Variants in CEP126 observed in about 807,000 individuals in gnomAD.
CEP126 encodes the protein centrosomal protein 126.
Under a neutral mutation model 107.8 loss-of-function variants are expected in CEP126, and 74 were observed. The ratio of observed to expected loss-of-function variants is 0.69; its 90% CI spans 0.57 to 0.83. CEP126 has a LOEUF of 0.83. Ranked by LOEUF, CEP126 falls within the 40% of genes least tolerant of loss-of-function variation. The pLI, the probability that CEP126 is intolerant of heterozygous loss-of-function variation, is 0.00. For missense variants in CEP126, 1,237 were observed against 1,281.9 expected, an observed-to-expected ratio of 0.96 and a Z score of 0.53; for synonymous variants, 449 against 446.0, an observed-to-expected ratio of 1.01 and a Z score of -0.08.
intron 1 of CEP126, 92 bp from the exon 2 acceptor site, chr11:101,922,549 T>C: frequency 1.1e-6 from 1 of 941,044 alleles, no homozygotes; most frequent in Non-Finnish European, 1.6e-6. Context: ...ATTACATCAT[T>C]TGCATGAGGC....
At chr11:101,916,740 G>A (rs1480395289) in intron 1 of CEP126, among the ~76,000 whole-genome samples, 1 of 152,014 alleles carries the variant, frequency 6.6e-6, no homozygotes, top group East Asian at 1.9e-4. Context: ...CATTGAGAGT[G>A]TATTTTCTGT....
intron 10 of CEP126, among the ~76,000 whole-genome samples, chr11:101,996,584 G>T (rs905172429): frequency 2.6e-5 from 4 of 152,018 alleles, no homozygotes; most frequent in African/African-American, 9.7e-5. Flanking sequence ...AAAAATAAGC[G>T]GTCTCTTATA....
intron 10 of CEP126, among the ~76,000 whole-genome samples, chr11:101,996,868 G>A (rs1028683680): frequency 1.3e-4 from 20 of 151,922 alleles, no homozygotes; most frequent in African/African-American, 4.4e-4. Flanking sequence ...TAGTTCCGTC[G>A]GACATTGTTT....
Position 101,961,722 on chromosome 11 carries a change from AT to A in CEP126, c.706-18del. On this transcript the variant is annotated intron_variant, in intron 5 of 10. Coordinates refer to ENST00000263468, the MANE Select transcript of CEP126 (RefSeq NM_020802.4). The stretch of plus-strand genomic sequence containing the variant: ...TTAAAAGTTTATAAGCTATAAAACA[AT>A]GTTCTTTTTTTTTCCAGAAATTTTG... 7.4e-7 allele frequency: 1 copy of A among 1,358,178 alleles called. No homozygotes were observed. The highest frequency in any genetic ancestry group is 1.0e-6 in the Non-Finnish European group (1 of 989,306). 84.1% of individuals were successfully genotyped at this position (1,358,178 alleles called of 1,614,324 possible). A position where few individuals can be genotyped will look rare whatever the true frequency, so the allele number is the denominator to read the frequency against.
At chr11:101,974,318 G>T (rs1941168381) in intron 6 of CEP126, among the ~76,000 whole-genome samples, 1 of 152,160 alleles carries the variant, frequency 6.6e-6, no homozygotes, top group African/African-American at 2.4e-5. Context: ...CCGGGGCTAT[G>T]AGAGGAGAGG....
At chr11:101,972,894 T>TA (rs1360783013) in intron 6 of CEP126, among the ~76,000 whole-genome samples, 1 of 152,254 alleles carries the variant, frequency 6.6e-6, no homozygotes, top group African/African-American at 2.4e-5. Flanking sequence ...TTTGTCCACT[T>TA]ATGAAACTTC....
chr11:101,997,863 G>T lies in CEP126; in HGVS notation c.*220G>T. The T allele has an allele frequency of 3.6e-6, 2 of 551,376 alleles. No homozygotes were observed. Among genetic ancestry groups the T allele is most frequent in the South Asian group, 5.7e-5 (2 of 35,186 alleles). The allele number at this position is 551,376 out of a possible 1,614,324, so 34.2% of individuals were successfully genotyped here. A position where few individuals can be genotyped will look rare whatever the true frequency, so the allele number is the denominator to read the frequency against. On this transcript the variant is annotated 3_prime_UTR_variant, in exon 11 of 11. Transcript: ENST00000263468. ...CTGAGAATACCATGAAAGACATTATGCCTGCCTAAACAAAAAGCAGGACAT... is the reference window on the plus strand; with the variant it reads ...CTGAGAATACCATGAAAGACATTATTCCTGCCTAAACAAAAAGCAGGACAT...
At chr11:101,954,110 C>A (rs1182568367) in intron 4 of CEP126, among the ~76,000 whole-genome samples, 1 of 152,058 alleles carries the variant, frequency 6.6e-6, no homozygotes, top group Non-Finnish European at 1.5e-5. Context: ...TCACTGCAAC[C>A]TCCACCTCCC....
chr11:101,992,819 A>G lies in CEP126; in HGVS notation c.3286A>G (p.Thr1096Ala). The G allele has an allele frequency of 2.6e-6, 4 of 1,540,612 alleles. No homozygotes were observed. The highest frequency in any genetic ancestry group is 3.5e-6 in the Non-Finnish European group (4 of 1,146,260). Reference protein sequence around the residue: ...SICKNPSIKNTLQIIPLLEKR... With the variant: ...SICKNPSIKNALQIIPLLEKR... ...TTGCAAAAACCCATCCATCAAAAAT[A>G]CTTTACAAATAATACCACTTCTGGT... is the stretch of plus-strand genomic sequence containing the variant. Residue 1096 changes from threonine (T) to alanine (A), a missense_variant, in exon 10 of 11, where the codon ACT (threonine) becomes GCT (alanine). Physicochemically the swap from Thr to Ala is moderately conservative, Grantham distance 58. This residue lies in a region of CEP126 where 99 missense variants were observed against 114.4 expected (regional missense o/e 0.87). Transcript: ENST00000263468.
Position 101,997,867 on chromosome 11 carries a change from G to A in CEP126, c.*224G>A. On this transcript the variant is annotated 3_prime_UTR_variant, in exon 11 of 11. Coordinates refer to ENST00000263468, the MANE Select transcript of CEP126 (RefSeq NM_020802.4). ...GAATACCATGAAAGACATTATGCCT[G>A]CCTAAACAAAAAGCAGGACATAACC... The A allele has an allele frequency of 1.9e-6, 1 of 533,266 alleles. No individual in the cohort carries two copies. The allele number at this position is 533,266 out of a possible 1,614,324, so 33.0% of individuals were successfully genotyped here.
chr11:101,928,209 T>C (rs1232061148), intron 2 of CEP126, among the ~76,000 whole-genome samples: 1 of 152,242 alleles, frequency 6.6e-6, no homozygotes, highest in East Asian at 1.9e-4. Flanking sequence ...TTAATTGGAC[T>C]GTTTGCTCTT....
At chr11:101,941,680 G>T (rs1310742712) in intron 2 of CEP126, among the ~76,000 whole-genome samples, 1 of 151,968 alleles carries the variant, frequency 6.6e-6, no homozygotes, top group Non-Finnish European at 1.5e-5. Flanking sequence ...TTTATCATAT[G>T]GTAATTCTAT....
At chr11:101,922,431 G>A (rs1213866193) in intron 1 of CEP126, among the ~76,000 whole-genome samples, 1 of 151,346 alleles carries the variant, frequency 6.6e-6, no homozygotes, top group Non-Finnish European at 1.5e-5. Context: ...CTAAAGTGAT[G>A]GATTACAGGT....
chr11:101,996,387 C>G (rs1169524413), intron 10 of CEP126, among the ~76,000 whole-genome samples: 1 of 152,210 alleles, frequency 6.6e-6, no homozygotes, highest in Non-Finnish European at 1.5e-5. Flanking sequence ...TGGCACGCCA[C>G]AGTAGAGCAG....
rs1941500484 is a variant in CEP126, at chr11:102,000,871, C to CACAGA, written c.*3228_*3229insACAGA. Reference sequence around the variant, plus strand: ...GGATTACCATGAACTTATTTTAAATCCATATTGTACCAGAATGACTATGTC... The same window carrying CACAGA: ...GGATTACCATGAACTTATTTTAAATCACAGACATATTGTACCAGAATGACTATGTC... On this transcript the variant is annotated 3_prime_UTR_variant, in exon 11 of 11. Transcript: ENST00000263468. 1.3e-5 allele frequency: 2 copies of CACAGA among 152,096 alleles called. No individual in the cohort carries two copies. The highest frequency in any genetic ancestry group is 1.3e-4 in the Admixed American group (2 of 15,272). 9.4% of individuals were successfully genotyped at this position (152,096 alleles called of 1,614,324 possible). A position where few individuals can be genotyped will look rare whatever the true frequency, so the allele number is the denominator to read the frequency against.
chr11:101,996,019 G>A (rs1456565303), intron 10 of CEP126, among the ~76,000 whole-genome samples: 1 of 152,230 alleles, frequency 6.6e-6, no homozygotes, highest in Non-Finnish European at 1.5e-5. Context: ...GTGGTCAGAA[G>A]CCATTATTGT....
chr11:101,973,841 C>A (rs1446426250), intron 6 of CEP126, among the ~76,000 whole-genome samples: 1 of 152,142 alleles, frequency 6.6e-6, no homozygotes, highest in Non-Finnish European at 1.5e-5. Flanking sequence ...TATGTTTATG[C>A]ATCATTTGCA....
At chr11:101,964,899 T>C (rs1411231072) in intron 6 of CEP126, among the ~76,000 whole-genome samples, 1 of 152,210 alleles carries the variant, frequency 6.6e-6, no homozygotes, top group Non-Finnish European at 1.5e-5. Flanking sequence ...AACAAGTGAA[T>C]ACATGTAGTT....
Position 101,986,910 on chromosome 11 carries a change from T to C in CEP126, c.3113T>C (p.Val1038Ala). Residue 1038 changes from valine to alanine, a missense_variant, in exon 9 of 11, where the codon GTC becomes GCC. Physicochemically the swap from Val to Ala is moderately conservative, Grantham distance 64. Coordinates refer to ENST00000263468, the MANE Select transcript of CEP126 (RefSeq NM_020802.4). ...ASVPEDEILT[V>A]LNSKQIQKSN... is the part of the protein sequence containing the mutation. ...GTGCCGGAGGATGAGATTCTGACTG[T>C]CTTGAATAGCAAACAGATACAGAAA... 1 of 1,613,856 alleles carries C rather than the reference T, an allele frequency of 6.2e-7. No individual in the cohort carries two copies. Among genetic ancestry groups the C allele is most frequent in the African/African-American group, 1.3e-5 (1 of 75,028 alleles).
Sources: gnomAD v4.1 joint callset for allele counts (sites outside exome capture counted in the v4.1 genomes callset) on GRCh38, gnomAD v4.1.1 for gene constraint, gnomAD v4.1.1 regional missense constraint, MANE v1.5 for transcripts, NCBI Gene and HGNC (gene_info 2026-07-23, HGNC 2026-07-21) for gene names.